GRIP1: variants seen among roughly 807,000 people sequenced by gnomAD.
GRIP1 encodes glutamate receptor-interacting protein 1.
GRIP1 carries 45 observed loss-of-function variants against 129.9 expected under a neutral mutation model. That is an observed-to-expected ratio of 0.35 (90% CI 0.27 to 0.44). The LOEUF (loss-of-function observed/expected upper bound fraction) is 0.44. Among genes scored for constraint, GRIP1 ranks in the 20% least tolerant of loss-of-function variants. The probability of loss-of-function intolerance (pLI) is 1.00; values close to 1 mark genes in which losing one functional copy is unlikely to be tolerated. For missense variants in GRIP1, 1,196 were observed against 1,396.8 expected, an observed-to-expected ratio of 0.86 and a Z score of 2.29; for synonymous variants, 530 against 520.8, an observed-to-expected ratio of 1.02 and a Z score of -0.24.
At chr12:66,676,308 T>A (rs1391042265) in intron 1 of GRIP1, among the ~76,000 whole-genome samples, 1 of 152,140 alleles carries the variant, frequency 6.6e-6, no homozygotes, top group Non-Finnish European at 1.5e-5. Flanking sequence ...AGAAAATTGT[T>A]TCCCTTTTAT....
intron 1 of GRIP1, among the ~76,000 whole-genome samples, chr12:66,696,136 T>G (rs2136331781): frequency 6.6e-6 from 1 of 150,956 alleles, no homozygotes; most frequent in Non-Finnish European, 1.5e-5. Flanking sequence ...AAAACCCCAT[T>G]TTTTTTTTAA....
chr12:66,622,210 G>T (rs1403881583), intron 1 of GRIP1, among the ~76,000 whole-genome samples: 3 of 151,960 alleles, frequency 2.0e-5, no homozygotes, highest in Admixed American at 6.6e-5. Context: ...TAATTTCTAA[G>T]CAGAACCCTT....
intron 1 of GRIP1, among the ~76,000 whole-genome samples, chr12:66,776,605 T>G (rs1013415645): frequency 1.3e-5 from 2 of 152,168 alleles, no homozygotes; most frequent in Non-Finnish European, 2.9e-5. Context: ...CACAAGGACA[T>G]GCACAAGTAA....
At position 66,456,208 on chromosome 12, in the gene GRIP1, C is replaced by A; in HGVS notation, c.1177G>T (p.Ala393Ser). 1 of 1,289,590 alleles carries A rather than the reference C, an allele frequency of 7.8e-7. No individual in the cohort carries two copies. The highest frequency in any genetic ancestry group is 1.2e-5 in the South Asian group (1 of 80,996). The allele number at this position is 1,289,590 out of a possible 1,614,324, so 79.9% of individuals were successfully genotyped here. A position where few individuals can be genotyped will look rare whatever the true frequency, so the allele number is the denominator to read the frequency against. Residue 393 changes from alanine to serine, a missense_variant, in exon 10 of 25, where the codon GCA becomes TCA. Transcript: ENST00000359742. ...TTACGAGGGCTGTTTGGAGGAGGTG[C>A]TTTCGGGAATGTCAGGGCTGGTACT... ...CRVPALTFPK[A>S]PPPNSPPALV...
At chr12:66,531,926 A>G (rs1247771505) in intron 4 of GRIP1, among the ~76,000 whole-genome samples, 1 of 152,224 alleles carries the variant, frequency 6.6e-6, no homozygotes, top group African/African-American at 2.4e-5. Flanking sequence ...TCAATAAATC[A>G]GCTTTCAATG....
chr12:67,027,694 A>C (rs1352973964), intron 1 of GRIP1, among the ~76,000 whole-genome samples: 1 of 152,164 alleles, frequency 6.6e-6, no homozygotes, highest in African/African-American at 2.4e-5. Flanking sequence ...ATTAACTAGA[A>C]AAGAGGGGCA....
intron 1 of GRIP1, among the ~76,000 whole-genome samples, chr12:66,959,940 A>G (rs1001797801): frequency 1.3e-5 from 2 of 152,014 alleles, no homozygotes; most frequent in Non-Finnish European, 2.9e-5. Context: ...AGAGAAAAAA[A>G]TATATATATA....
chr12:66,863,279 C>T (rs528853498), intron 1 of GRIP1, among the ~76,000 whole-genome samples: 6 of 152,182 alleles, frequency 3.9e-5, no homozygotes, highest in Non-Finnish European at 8.8e-5. Context: ...GTGTAACACA[C>T]TGTCCTAGGT....
At chr12:66,871,346 G>A (rs1162245451) in intron 1 of GRIP1, among the ~76,000 whole-genome samples, 2 of 152,032 alleles carry the variant, frequency 1.3e-5, no homozygotes, top group African/African-American at 2.4e-5. Flanking sequence ...AGAACAGCAC[G>A]AATAGCAAGA....
rs75725925 is a variant in GRIP1, at chr12:66,514,360, C to G, written c.724+1259G>C. Among the ~76,000 whole-genome samples, 910 of 152,190 alleles carry G rather than the reference C, an allele frequency of 6.0e-3. 8 individuals are homozygous for G. Among genetic ancestry groups the G allele is most frequent in the African/African-American group, 0.021 (864 of 41,526 alleles). ...CCCTACTTATGTAATCTGATTTTAT[C>G]TTCATAATTGTCTTTAAAATAGGGA... On this transcript the variant is annotated intron_variant, in intron 7 of 24. Coordinates refer to ENST00000359742, the MANE Select transcript of GRIP1 (RefSeq NM_001366722.1).
At chr12:66,938,964 A>T (rs1315983879) in intron 1 of GRIP1, among the ~76,000 whole-genome samples, 5 of 152,194 alleles carry the variant, frequency 3.3e-5, no homozygotes, top group African/African-American at 1.2e-4. Context: ...CAAAAGAAAA[A>T]AAAAAGAGAG....
intron 1 of GRIP1, among the ~76,000 whole-genome samples, chr12:66,698,941 G>T (rs2035257199): frequency 6.6e-6 from 1 of 152,166 alleles, no homozygotes; most frequent in Non-Finnish European, 1.5e-5. Context: ...TTGCAGCGTT[G>T]TTGGGAGGCT....
At chr12:67,068,974 G>T in intron 1 of GRIP1, 2 of 673,650 alleles carry the variant, frequency 3.0e-6, no homozygotes, top group Non-Finnish European at 3.7e-6. Flanking sequence ...TCGGGAGGGA[G>T]CCGGGGAGAG....
chr12:66,813,831 G>A (rs2039152771), intron 1 of GRIP1, among the ~76,000 whole-genome samples: 2 of 152,130 alleles, frequency 1.3e-5, no homozygotes. Context: ...ACATGCATTA[G>A]GAGCACATAG....
At chr12:66,939,539 G>A (rs1030647639) in intron 1 of GRIP1, among the ~76,000 whole-genome samples, 17 of 152,092 alleles carry the variant, frequency 1.1e-4, no homozygotes, top group Admixed American at 2.0e-4. Context: ...AGGCCCTGAA[G>A]TCAGAGCCAA....
At chr12:66,631,710 T>C (rs1437308397) in intron 1 of GRIP1, among the ~76,000 whole-genome samples, 1 of 152,176 alleles carries the variant, frequency 6.6e-6, no homozygotes, top group Non-Finnish European at 1.5e-5. Context: ...CTTATTATTA[T>C]GGGAGACTGA....
chr12:66,486,922 C>T (rs1158788533), intron 7 of GRIP1, among the ~76,000 whole-genome samples: 17 of 152,042 alleles, frequency 1.1e-4, no homozygotes, highest in Admixed American at 1.1e-3. Flanking sequence ...TACCGAGTAG[C>T]TGGTACCACA....
intron 1 of GRIP1, among the ~76,000 whole-genome samples, chr12:66,755,055 A>C (rs1216322522): frequency 6.6e-6 from 1 of 152,196 alleles, no homozygotes; most frequent in Non-Finnish European, 1.5e-5. Context: ...CCCAAACATA[A>C]TGATTATTCT....
intron 2 of GRIP1, among the ~76,000 whole-genome samples, chr12:66,571,986 T>A (rs1401732505): frequency 6.6e-6 from 1 of 152,092 alleles, no homozygotes; most frequent in East Asian, 1.9e-4. Flanking sequence ...ACTTATGAAA[T>A]CAATACGTAA....
Sources: allele counts gnomAD v4.1 joint callset (sites outside exome capture counted in the v4.1 genomes callset), GRCh38; gene constraint gnomAD v4.1.1; transcripts MANE v1.5; gene names NCBI Gene and HGNC (gene_info 2026-07-23, HGNC 2026-07-21).